ARHGEF17: variants seen among roughly 807,000 people sequenced by gnomAD.
The protein encoded by ARHGEF17 is 164 kDa Rho-specific guanine-nucleotide exchange factor.
In ARHGEF17, 80 loss-of-function variants were observed where a neutral mutation model predicts 174.0. That is an observed-to-expected ratio of 0.46 (90% CI 0.38 to 0.55). The LOEUF (loss-of-function observed/expected upper bound fraction) is 0.55. Among genes scored for constraint, ARHGEF17 ranks in the 20% least tolerant of loss-of-function variants. ARHGEF17 has a pLI of 0.00. For missense variants in ARHGEF17, 2,886 were observed against 2,839.7 expected (o/e 1.02, Z -0.37); for synonymous variants, 1,311 against 1,189.1 (o/e 1.10, Z -2.11).
At chr11:73,349,868 TC>T (rs1308009057) in intron 2 of ARHGEF17, among the ~76,000 whole-genome samples, 1 of 152,106 alleles carries the variant, frequency 6.6e-6, no homozygotes, top group African/African-American at 2.4e-5. Flanking sequence ...CCAAAGACCG[TC>T]CCTGGAGGCA....
At chr11:73,348,296 G>A (rs7105681) in intron 2 of ARHGEF17, among the ~76,000 whole-genome samples, 25,395 of 152,052 alleles carry the variant, frequency 0.17, 2,850 homozygotes, top group African/African-American at 0.32. Flanking sequence ...CTGTGCAGGG[G>A]CATTAGTGGT....
At chr11:73,362,865 T>C (rs1865771261) in intron 14 of ARHGEF17, 131 bp downstream of exon 14, 2 of 1,186,296 alleles carry the variant, frequency 1.7e-6, no homozygotes, top group South Asian at 3.1e-5. Context: ...CACAGAGCAA[T>C]GAGGGCAGGG....
intron 2 of ARHGEF17, among the ~76,000 whole-genome samples, chr11:73,350,664 T>A (rs1209523418): frequency 6.6e-6 from 1 of 152,098 alleles, no homozygotes. Flanking sequence ...TGAAACTAGG[T>A]CCTAGGGCTA....
rs1865799511 is a variant in ARHGEF17 at position 73,364,251 on chromosome 11, C to T, written c.5401+12C>T. Reference sequence around the variant, plus strand: ...CCAAAGGGAAGCAGGTGAGTATCTGCCCTCCCCCACACCCTGCCCCTGTCC... The same window carrying T: ...CCAAAGGGAAGCAGGTGAGTATCTGTCCTCCCCCACACCCTGCCCCTGTCC... On this transcript the variant is annotated intron_variant, in intron 17 of 20. Coordinates refer to ENST00000263674, the MANE Select transcript of ARHGEF17 (RefSeq NM_014786.4). The T allele has an allele frequency of 1.9e-6, 3 of 1,613,910 alleles. No individual in the cohort carries two copies. Among genetic ancestry groups the T allele is most frequent in the Admixed American group, 1.7e-5 (1 of 60,018 alleles).
intron 1 of ARHGEF17, among the ~76,000 whole-genome samples, 200 bp from the exon 2 acceptor site, chr11:73,346,683 G>A (rs1003149203): frequency 3.3e-5 from 5 of 152,158 alleles, no homozygotes; most frequent in African/African-American, 1.2e-4. Context: ...CGGGGGCAGG[G>A]GGAGCAGCTG....
chr11:73,322,541 C>A (rs575431030), intron 1 of ARHGEF17, among the ~76,000 whole-genome samples: 1 of 152,296 alleles, frequency 6.6e-6, no homozygotes, highest in Non-Finnish European at 1.5e-5. Flanking sequence ...ACTGAGAGTT[C>A]TTGAGAAGTG....
At position 73,309,834 on chromosome 11, in the gene ARHGEF17, T is replaced by C; in HGVS notation, c.1196T>C (p.Leu399Pro). The change falls in exon 1 of 21, where the codon CTC becomes CCC. Residue 399 changes from leucine to proline, a missense_variant. Physicochemically the swap from Leu to Pro is moderately conservative, Grantham distance 98. This residue lies in a region of ARHGEF17 where 1,728 missense variants were observed against 1,461.2 expected (regional missense o/e 1.18). Transcript: ENST00000263674. ...AGCCGTTATTCCAGCACGGAGACCC[T>C]CAAGGACGACGACCTATGGTCTAGT... ...GSSRYSSTET[L>P]KDDDLWSSRG... is the part of the protein sequence containing the mutation. 1 of 1,613,036 alleles carries C rather than the reference T, an allele frequency of 6.2e-7. No homozygotes were observed. The highest frequency in any genetic ancestry group is 8.5e-7 in the Non-Finnish European group (1 of 1,179,968).
At chr11:73,337,245 A>G (rs1020128551) in intron 1 of ARHGEF17, among the ~76,000 whole-genome samples, 9 of 152,076 alleles carry the variant, frequency 5.9e-5, no homozygotes, top group Admixed American at 5.9e-4. Context: ...TAATCTCTAA[A>G]AAATATTTTT....
At chr11:73,347,474 G>A (rs536544109) in intron 2 of ARHGEF17, among the ~76,000 whole-genome samples, 1 of 152,214 alleles carries the variant, frequency 6.6e-6, no homozygotes, top group Admixed American at 6.5e-5. Flanking sequence ...CCTGCTAAGC[G>A]TGGGGTCAGG....
chr11:73,363,719 T>A (rs755724490), intron 15 of ARHGEF17, 28 bp from the exon 16 acceptor site: 1 of 1,612,762 alleles, frequency 6.2e-7, no homozygotes, highest in Non-Finnish European at 8.5e-7. Flanking sequence ...CCCAAGCATT[T>A]GTCCCAGGTG....
intron 7 of ARHGEF17, 69 bp from the exon 8 acceptor site, chr11:73,356,956 C>T (rs1865652482): frequency 1.9e-6 from 3 of 1,546,706 alleles, no homozygotes; most frequent in African/African-American, 1.4e-5. Context: ...TCCCCTTGGG[C>T]ACTATGGGCA....
intron 1 of ARHGEF17, among the ~76,000 whole-genome samples, chr11:73,339,460 G>A (rs922454256): frequency 4.2e-4 from 64 of 151,958 alleles, no homozygotes; most frequent in African/African-American, 1.4e-3. Context: ...AGCCATTACC[G>A]GTTATCTGTC....
Position 73,311,767 on chromosome 11 carries a change from T to G in ARHGEF17, c.3129T>G (p.Pro1043=). The G allele has an allele frequency of 6.2e-7, 1 of 1,612,480 alleles. No individual in the cohort carries two copies. Among genetic ancestry groups the G allele is most frequent in the Non-Finnish European group, 8.5e-7 (1 of 1,179,574 alleles). Residue 1043 remains proline, a synonymous_variant, in exon 1 of 21, where the codon CCT becomes CCG. Transcript: ENST00000263674. Reference sequence around the variant, plus strand: ...CGCCCTCTGCTGAGGCCAAGCCCCCTGAGGCAGCTCGGCCTGCAGATGAGC... The same window carrying G: ...CGCCCTCTGCTGAGGCCAAGCCCCCGGAGGCAGCTCGGCCTGCAGATGAGC... ...AAPPSAEAKP[P]EAARPADEPT...
intron 9 of ARHGEF17, 21 bp from the exon 10 acceptor site, chr11:73,359,813 G>A (rs1471053639): frequency 1.3e-5 from 20 of 1,565,790 alleles, no homozygotes; most frequent in African/African-American, 5.4e-5. Context: ...ATCAGTCCAC[G>A]GCCTTCCTCT....
intron 17 of ARHGEF17, 24 bp downstream of exon 17, chr11:73,364,263 C>A: frequency 6.2e-7 from 1 of 1,613,394 alleles, no homozygotes; most frequent in Non-Finnish European, 8.5e-7. Context: ...CTCCCCCACA[C>A]CCTGCCCCTG....
chr11:73,357,092 T>G lies in ARHGEF17; in HGVS notation c.3959T>G (p.Leu1320Arg). The change falls in exon 8 of 21, where the codon CTG (leucine) becomes CGG (arginine). Residue 1320 changes from leucine to arginine, a missense_variant. Coordinates refer to ENST00000263674, the MANE Select transcript of ARHGEF17 (RefSeq NM_014786.4). The stretch of plus-strand genomic sequence containing the variant: ...ACGGACCTCATCGTCTGCACCACTC[T>G]GAAGCGAAAGTCAGGCTCCCTGCGG... ...LFTDLIVCTTLKRKSGSLRRS... is the reference protein window; with the variant it reads ...LFTDLIVCTTRKRKSGSLRRS... The G allele has an allele frequency of 6.2e-7, 1 of 1,614,170 alleles. No homozygotes were observed. The highest frequency in any genetic ancestry group is 8.5e-7 in the Non-Finnish European group (1 of 1,180,024).
In ARHGEF17 at chr11:73,309,394, G is replaced by C; in HGVS notation, c.756G>C (p.Glu252Asp). Residue 252 changes from glutamate (E) to aspartate (D), a missense_variant, in exon 1 of 21, where the codon GAG (glutamate) becomes GAC (aspartate). Coordinates refer to ENST00000263674, the MANE Select transcript of ARHGEF17 (RefSeq NM_014786.4). Reference sequence around the variant, plus strand: ...GCAGTCGTGCTGCCAGCTCCAGCGAGGAGGAAGAGGAGGGCCCGCCGCAGC... The same window carrying C: ...GCAGTCGTGCTGCCAGCTCCAGCGACGAGGAAGAGGAGGGCCCGCCGCAGC... ...VSRSRAASSS[E>D]EEEEGPPQLP... The C allele has an allele frequency of 1.3e-6, 2 of 1,560,116 alleles. No homozygotes were observed. Among genetic ancestry groups the C allele is most frequent in the Non-Finnish European group, 8.7e-7 (1 of 1,151,362 alleles).
In ARHGEF17 at chr11:73,362,388, C is replaced by T. The variant is rs926857580; in HGVS notation, c.4695-45C>T. The T allele has an allele frequency of 5.4e-6, 8 of 1,484,562 alleles. No individual in the cohort carries two copies. In the African/African-American group the frequency reaches 9.7e-5, roughly 18 times the overall value. The allele number at this position is 1,484,562 out of a possible 1,614,324, so 92.0% of individuals were successfully genotyped here. A position where few individuals can be genotyped will look rare whatever the true frequency, so the allele number is the denominator to read the frequency against. The stretch of plus-strand genomic sequence containing the variant: ...GTGGGCGTGTCCACCACCGGGGCCC[C>T]GTCTGGCTCGTAGCTGCTGTCATCC... On this transcript the variant is annotated intron_variant, in intron 13 of 20. Transcript: ENST00000263674.
Position 73,365,672 on chromosome 11 carries a change from C to T in ARHGEF17, c.5726-6C>T. On this transcript the variant is annotated splice_polypyrimidine_tract_variant and splice_region_variant and intron_variant, in intron 19 of 20. Coordinates refer to ENST00000263674, the MANE Select transcript of ARHGEF17 (RefSeq NM_014786.4). The surrounding 1 kb of genome is among the most constrained non-coding windows in gnomAD (Gnocchi z 4.9). ...AGCCCCAGCTGTGGTCTGTCTCCCA[C>T]CCCAGGCTCGGATGCCATCATCCGG... is the stretch of plus-strand genomic sequence containing the variant. 1 of 1,611,460 alleles carries T rather than the reference C, an allele frequency of 6.2e-7. No individual in the cohort carries two copies. Among genetic ancestry groups the T allele is most frequent in the South Asian group, 1.1e-5 (1 of 91,044 alleles).
Sources: allele counts gnomAD v4.1 joint callset (sites outside exome capture counted in the v4.1 genomes callset), GRCh38; gene constraint gnomAD v4.1.1; regional missense constraint gnomAD v4.1.1; non-coding constraint Gnocchi (gnomAD v3.1); transcripts MANE v1.5; gene names NCBI Gene and HGNC (gene_info 2026-07-23, HGNC 2026-07-21).